The following ATXN1 variants were observed in gnomAD, a reference collection of about 807,000 sequenced individuals.
ATXN1 encodes ataxin 1, also known as ataxin-1.
ATXN1 carries 8 observed loss-of-function variants against 56.4 expected under a neutral mutation model. The ratio of observed to expected loss-of-function variants is 0.14; its 90% CI spans 0.08 to 0.26. ATXN1 has a LOEUF of 0.26. Ranked by LOEUF, ATXN1 falls within the 10% of genes least tolerant of loss-of-function variation. The probability of loss-of-function intolerance (pLI) is 1.00; values close to 1 mark genes in which losing one functional copy is unlikely to be tolerated. For synonymous variants in ATXN1, 514 were observed against 494.6 expected, an observed-to-expected ratio of 1.04 and a Z score of -0.52; for missense variants, 987 against 1,106.5, an observed-to-expected ratio of 0.89 and a Z score of 1.53.
intron 5 of ATXN1, among the ~76,000 whole-genome samples, chr6:16,487,971 T>C (rs892810936): frequency 1.3e-5 from 2 of 152,204 alleles, no homozygotes; most frequent in African/African-American, 4.8e-5. Context: ...GTTATTTCTC[T>C]CTTTTTTATT....
chr6:16,322,516 C>T (rs892763403), intron 7 of ATXN1, among the ~76,000 whole-genome samples: 1 of 152,208 alleles, frequency 6.6e-6, no homozygotes, highest in African/African-American at 2.4e-5. Flanking sequence ...TCTTCCACAA[C>T]TTCCCCAATC....
rs141274783 is a variant in ATXN1 at position 16,551,982 on chromosome 6, C to A, written c.-360-29294G>T. 2.0e-5 allele frequency among the ~76,000 whole-genome samples: 3 copies of A among 152,272 alleles called. No individual in the cohort carries two copies. In the East Asian group the frequency reaches 5.8e-4, roughly 29 times the overall value. On this transcript the variant is annotated intron_variant, in intron 4 of 7. Transcript: ENST00000436367. ...TTAGTCATTTCTCTCTGGCTGTGCT[C>A]GGGCTGTGAAACTGCAAGATGCACC...
At chr6:16,488,034 T>C (rs1760584912) in intron 5 of ATXN1, among the ~76,000 whole-genome samples, 1 of 152,194 alleles carries the variant, frequency 6.6e-6, no homozygotes, top group South Asian at 2.1e-4. Context: ...ACAACTGTTC[T>C]CCATACCTTG....
At chr6:16,521,259 CTT>C (rs1340544309) in intron 5 of ATXN1, among the ~76,000 whole-genome samples, 2 of 152,178 alleles carry the variant, frequency 1.3e-5, no homozygotes, top group Non-Finnish European at 2.9e-5. Context: ...ACCAACATAA[CTT>C]TAAAAAAAAC....
chr6:16,495,738 CT>C (rs1207449426), intron 5 of ATXN1, among the ~76,000 whole-genome samples: 1 of 152,128 alleles, frequency 6.6e-6, no homozygotes, highest in Non-Finnish European at 1.5e-5. Flanking sequence ...TGGCAGGCGC[CT>C]GTAGTCCCAG....
chr6:16,618,767 A>C (rs1763266723), intron 3 of ATXN1, among the ~76,000 whole-genome samples: 1 of 151,774 alleles, frequency 6.6e-6, no homozygotes, highest in African/African-American at 2.4e-5. Context: ...AAAAAAAAGC[A>C]AAACACTTTT....
chr6:16,675,826 C>G (rs994068335), intron 2 of ATXN1, among the ~76,000 whole-genome samples: 3 of 151,942 alleles, frequency 2.0e-5, no homozygotes, highest in African/African-American at 7.3e-5. Context: ...GAGGTGGAGG[C>G]TGCAGTGAGC....
At chr6:16,758,602 G>C (rs1760959534) in intron 1 of ATXN1, among the ~76,000 whole-genome samples, 1 of 152,224 alleles carries the variant, frequency 6.6e-6, no homozygotes, top group African/African-American at 2.4e-5. Flanking sequence ...CAGCATAAAT[G>C]CTGTGCATAA....
At chr6:16,756,143 A>G (rs577882600) in intron 1 of ATXN1, among the ~76,000 whole-genome samples, 1 of 152,176 alleles carries the variant, frequency 6.6e-6, no homozygotes, top group South Asian at 2.1e-4. Context: ...ATCCATAAAT[A>G]TAATTATAAA....
chr6:16,712,077 A>C (rs1398909301), intron 2 of ATXN1, among the ~76,000 whole-genome samples: 12 of 152,104 alleles, frequency 7.9e-5, no homozygotes, highest in Admixed American at 5.2e-4. Flanking sequence ...GTTGACAGGA[A>C]GGGGGCAGAG....
chr6:16,580,491 A>G (rs1762509059), intron 4 of ATXN1, among the ~76,000 whole-genome samples: 1 of 152,224 alleles, frequency 6.6e-6, no homozygotes, highest in Admixed American at 6.5e-5. Context: ...AGGTCTGTGC[A>G]GCAGTCTGCT....
chr6:16,727,329 A>G (rs1759872039), intron 2 of ATXN1, among the ~76,000 whole-genome samples: 1 of 152,200 alleles, frequency 6.6e-6, no homozygotes, highest in Non-Finnish European at 1.5e-5. Flanking sequence ...AAATGGAAAT[A>G]AATAATTCCA....
intron 6 of ATXN1, among the ~76,000 whole-genome samples, chr6:16,403,562 G>A (rs1418342770): frequency 2.0e-5 from 3 of 152,138 alleles, no homozygotes; most frequent in African/African-American, 7.2e-5. Context: ...CATTGGCCAG[G>A]CTGGTCTCGA....
intron 2 of ATXN1, among the ~76,000 whole-genome samples, chr6:16,663,144 T>C (rs1042587370): frequency 2.0e-5 from 3 of 151,924 alleles, no homozygotes; most frequent in Non-Finnish European, 4.4e-5. Context: ...GGCTAATTAA[T>C]CTTTAGTAGA....
chr6:16,444,604 TAGAC>T (rs1759596194), intron 6 of ATXN1, among the ~76,000 whole-genome samples: 1 of 152,146 alleles, frequency 6.6e-6, no homozygotes, highest in South Asian at 2.1e-4. Flanking sequence ...AATTGGTAAA[TAGAC>T]AGAATCTAGT....
At chr6:16,393,800 G>C (rs538622465) in intron 6 of ATXN1, among the ~76,000 whole-genome samples, 1 of 152,096 alleles carries the variant, frequency 6.6e-6, no homozygotes, top group East Asian at 1.9e-4. Context: ...GGAGGATCAC[G>C]AGGTCAGGAG....
chr6:16,539,865 C>T lies in ATXN1; in HGVS notation c.-360-17177G>A, dbSNP rs75214939. Among the ~76,000 whole-genome samples, 1,202 of 152,250 alleles carry T rather than the reference C, an allele frequency of 7.9e-3. 4 individuals are homozygous for T. The highest frequency in any genetic ancestry group is 0.015 in the South Asian group (70 of 4,820). ...GCATGCATCAGAAACAAATTACACC[C>T]TTAGAGGCAGATGACACACCGAAGG... On this transcript the variant is annotated intron_variant, in intron 4 of 7. Coordinates refer to ENST00000436367, the MANE Select transcript of ATXN1 (RefSeq NM_001128164.2).
intron 6 of ATXN1, among the ~76,000 whole-genome samples, chr6:16,384,668 G>A (rs191725746): frequency 6.6e-6 from 1 of 152,308 alleles, no homozygotes; most frequent in East Asian, 1.9e-4. Context: ...TCATGATAGT[G>A]AGTTCTCATG....
intron 6 of ATXN1, among the ~76,000 whole-genome samples, chr6:16,414,713 C>T (rs547503543): frequency 7.2e-4 from 110 of 152,262 alleles, no homozygotes; most frequent in Non-Finnish European, 1.1e-3. Context: ...TTTATCTATC[C>T]GAATGCAGTA....
Sources: allele counts gnomAD v4.1 joint callset (sites outside exome capture counted in the v4.1 genomes callset), GRCh38; gene constraint gnomAD v4.1.1; transcripts MANE v1.5; gene names NCBI Gene and HGNC (gene_info 2026-07-23, HGNC 2026-07-21).